BMAL1: variants seen among roughly 807,000 people sequenced by gnomAD.
BMAL1 encodes basic helix-loop-helix ARNT like 1.
the BMAL1 span, among the ~76,000 whole-genome samples, chr11:13,385,423 T>G: frequency 6.6e-6 from 1 of 152,220 alleles, no homozygotes; most frequent in Non-Finnish European, 1.5e-5. Context: ...GGCATCATGA[T>G]TCCAGGCAGT....
chr11:13,362,166 A>T, the BMAL1 span, among the ~76,000 whole-genome samples: 18 of 152,150 alleles, frequency 1.2e-4, no homozygotes, highest in Non-Finnish European at 2.1e-4. Flanking sequence ...CCCACAACCC[A>T]ATATAGTGCT....
At chr11:13,378,787 C>T in the BMAL1 span, 2 of 273,722 alleles carry the variant, frequency 7.3e-6, no homozygotes, top group Non-Finnish European at 1.4e-5. Flanking sequence ...TCTTATGGCT[C>T]AAGGAGCTTC....
the BMAL1 span, among the ~76,000 whole-genome samples, chr11:13,363,127 CATATAT>C: frequency 0.034 from 3,718 of 109,602 alleles, 61 homozygotes; most frequent in East Asian, 0.13. Flanking sequence ...GTCTTTATTT[CATATAT>C]ATATATATAT....
the BMAL1 span, among the ~76,000 whole-genome samples, chr11:13,306,784 G>A: frequency 1.3e-5 from 2 of 152,214 alleles, no homozygotes. Context: ...GAAGGATGCT[G>A]TAGGAGTGCA....
chr11:13,356,608 A>G, the BMAL1 span: 1 of 1,016,150 alleles, frequency 9.8e-7, no homozygotes, highest in African/African-American at 1.6e-5. Flanking sequence ...TACATCATTA[A>G]TTGATACTGT....
the BMAL1 span, among the ~76,000 whole-genome samples, chr11:13,358,016 A>G: frequency 5.3e-5 from 8 of 152,360 alleles, no homozygotes; most frequent in East Asian, 7.7e-4. Context: ...ATGGCCACAC[A>G]GCGGGCTCCT....
the BMAL1 span, among the ~76,000 whole-genome samples, chr11:13,348,267 G>A: frequency 2.6e-5 from 4 of 152,358 alleles, no homozygotes; most frequent in Middle Eastern, 3.4e-3. Flanking sequence ...TAGTCTGTCG[G>A]GGGGCTTTGG....
At chr11:13,291,691 A>G in the BMAL1 span, among the ~76,000 whole-genome samples, 1 of 151,964 alleles carries the variant, frequency 6.6e-6, no homozygotes, top group African/African-American at 2.4e-5. Context: ...GATTCACTGT[A>G]TTTAGAAGTC....
the BMAL1 span, chr11:13,366,587 AC>A: frequency 7.9e-7 from 1 of 1,265,718 alleles, no homozygotes; most frequent in South Asian, 1.3e-5. Context: ...CAACATGCAG[AC>A]TGTGCATGCT....
chr11:13,375,508 G>A, the BMAL1 span: 6 of 952,142 alleles, frequency 6.3e-6, no homozygotes, highest in South Asian at 4.1e-5. Flanking sequence ...ACTAAAGAGC[G>A]ATGTCGTTGG....
chr11:13,366,461 C>T, the BMAL1 span, among the ~76,000 whole-genome samples: 2 of 152,310 alleles, frequency 1.3e-5, no homozygotes, highest in Admixed American at 1.3e-4. Flanking sequence ...GTTTTCCCGT[C>T]ATGTTATCAA....
the BMAL1 span, among the ~76,000 whole-genome samples, chr11:13,363,142 ATATATATATATATATATATATATATG>A: frequency 1.5e-5 from 1 of 66,806 alleles, no homozygotes; most frequent in South Asian, 6.0e-4. Flanking sequence ...ATATATATAT[ATATATATATATATATATATATATATG>A]TAAAATAATT....
At chr11:13,307,110 G>C in the BMAL1 span, among the ~76,000 whole-genome samples, 1 of 152,150 alleles carries the variant, frequency 6.6e-6, no homozygotes, top group Non-Finnish European at 1.5e-5. Flanking sequence ...CCCCTGTTGG[G>C]GCAACCAGAG....
chr11:13,305,691 A>G, the BMAL1 span, among the ~76,000 whole-genome samples: 1 of 152,094 alleles, frequency 6.6e-6, no homozygotes, highest in Admixed American at 6.5e-5. Flanking sequence ...GTCTTGGGGA[A>G]AGCATCAGCC....
the BMAL1 span, among the ~76,000 whole-genome samples, chr11:13,353,916 G>T: frequency 6.6e-6 from 1 of 152,114 alleles, no homozygotes; most frequent in Non-Finnish European, 1.5e-5. Flanking sequence ...AGAACATCTG[G>T]GTTATTTGGT....
chr11:13,345,615 C>T, the BMAL1 span, among the ~76,000 whole-genome samples: 1 of 152,106 alleles, frequency 6.6e-6, no homozygotes, highest in African/African-American at 2.4e-5. Flanking sequence ...TTGGCAGCAG[C>T]CATGGTAGTT....
At chr11:13,323,818 T>C in the BMAL1 span, among the ~76,000 whole-genome samples, 2 of 152,190 alleles carry the variant, frequency 1.3e-5, no homozygotes, top group African/African-American at 4.8e-5. Flanking sequence ...GGTATCACCA[T>C]GTTGGCCAGG....
At chr11:13,302,621 A>G in the BMAL1 span, among the ~76,000 whole-genome samples, 1 of 152,046 alleles carries the variant, frequency 6.6e-6, no homozygotes, top group Admixed American at 6.5e-5. Context: ...TAGCCTTATT[A>G]CCTTGTCCCC....
chr11:13,288,301 A>G, the BMAL1 span, among the ~76,000 whole-genome samples: 2,565 of 152,152 alleles, frequency 0.017, 89 homozygotes, highest in African/African-American at 0.058. Context: ...GGCTTAAAAT[A>G]AGGCCATGGG....
Sources: gnomAD v4.1 joint callset for allele counts (sites outside exome capture counted in the v4.1 genomes callset) on GRCh38, gnomAD v4.1.1 for gene constraint, MANE v1.5 for transcripts, NCBI Gene and HGNC (gene_info 2026-07-23, HGNC 2026-07-21) for gene names.